FHOD3: variants seen among roughly 807,000 people sequenced by gnomAD.
The protein encoded by FHOD3 is FH1/FH2 domain-containing protein 3.
In FHOD3, 90 loss-of-function variants were observed where a neutral mutation model predicts 173.0. The observed-to-expected ratio is 0.52, with a 90% confidence interval of 0.44 to 0.62. FHOD3 has a LOEUF of 0.62. FHOD3 is among the 20% of genes least tolerant of loss of function. The pLI is 0.00. For missense variants in FHOD3, 1,945 were observed against 2,034.7 expected (o/e 0.96, Z 0.85); for synonymous variants, 828 against 823.0 (o/e 1.01, Z -0.10).
At chr18:36,544,131 C>T (rs948866386) in intron 5 of FHOD3, among the ~76,000 whole-genome samples, 23 of 152,272 alleles carry the variant, frequency 1.5e-4, no homozygotes, top group African/African-American at 5.5e-4. Flanking sequence ...ATGTGTTTCT[C>T]GGCAGTATCA....
intron 3 of FHOD3, among the ~76,000 whole-genome samples, chr18:36,430,808 G>A (rs1344374252): frequency 6.6e-6 from 1 of 152,142 alleles, no homozygotes; most frequent in African/African-American, 2.4e-5. Flanking sequence ...TGGACTAGAC[G>A]TTAGCGTGAG....
At chr18:36,633,199 A>G (rs544935851) in intron 10 of FHOD3, among the ~76,000 whole-genome samples, 2 of 152,258 alleles carry the variant, frequency 1.3e-5, no homozygotes, top group African/African-American at 2.4e-5. Context: ...AAACTCTGCC[A>G]TTTTGCCTCT....
intron 19 of FHOD3, among the ~76,000 whole-genome samples, chr18:36,726,260 T>C (rs2041062903): frequency 6.6e-6 from 1 of 152,124 alleles, no homozygotes; most frequent in Admixed American, 6.5e-5. Context: ...TTCTCATTTA[T>C]CCAAGTCTTC....
chr18:36,465,777 T>G (rs1272380357), intron 3 of FHOD3, among the ~76,000 whole-genome samples: 1 of 152,034 alleles, frequency 6.6e-6, no homozygotes, highest in Non-Finnish European at 1.5e-5. Flanking sequence ...GTGGGCGTGG[T>G]GGGTTCAATT....
chr18:36,424,425 T>A (rs1279377623), intron 3 of FHOD3, among the ~76,000 whole-genome samples: 2 of 152,146 alleles, frequency 1.3e-5, no homozygotes. Flanking sequence ...TGTGATTGAC[T>A]TGGGTTTATT....
chr18:36,491,445 T>G (rs758195353), intron 3 of FHOD3, among the ~76,000 whole-genome samples: 1 of 152,208 alleles, frequency 6.6e-6, no homozygotes, highest in Non-Finnish European at 1.5e-5. Flanking sequence ...TACATTAAGG[T>G]TCACTCTTTA....
chr18:36,542,112 T>C (rs2057246779), intron 5 of FHOD3, among the ~76,000 whole-genome samples: 1 of 152,190 alleles, frequency 6.6e-6, no homozygotes, highest in African/African-American at 2.4e-5. Context: ...ACCATGGATA[T>C]AGCTATGTAT....
At chr18:36,511,876 A>C (rs930170737) in intron 4 of FHOD3, among the ~76,000 whole-genome samples, 1 of 152,292 alleles carries the variant, frequency 6.6e-6, no homozygotes, top group Admixed American at 6.5e-5. Flanking sequence ...CTCCAGGTTA[A>C]TGTCCAACCC....
chr18:36,523,199 G>A (rs1237836590), intron 5 of FHOD3, among the ~76,000 whole-genome samples: 6 of 152,190 alleles, frequency 3.9e-5, no homozygotes, highest in African/African-American at 1.4e-4. Context: ...TCCAGGTAAC[G>A]TTGGCCTTGA....
intron 1 of FHOD3, among the ~76,000 whole-genome samples, chr18:36,327,393 T>C (rs1489064627): frequency 6.6e-6 from 1 of 152,234 alleles, no homozygotes; most frequent in African/African-American, 2.4e-5. Context: ...AATGTGCGGC[T>C]TTTGCCGTTA....
In FHOD3 at chr18:36,709,189, C is replaced by T; in HGVS notation, c.2331C>T (p.Ala777=). 6.2e-7 allele frequency: 1 copy of T among 1,614,190 alleles called. No individual in the cohort carries two copies. The highest frequency in any genetic ancestry group is 8.5e-7 in the Non-Finnish European group (1 of 1,180,046). The change falls in exon 18 of 29, where the codon GCC becomes GCT. Residue 777 remains alanine (A), a synonymous_variant. Transcript: ENST00000590592. ...CTGATGAAGCTGGCCAGGACATAGC[C>T]TCTGCCCACGAGGGTGCAGAGACTG... is the stretch of plus-strand genomic sequence containing the variant. The part of the protein sequence containing the change: ...QVADEAGQDI[A]SAHEGAETEV...
intron 27 of FHOD3, among the ~76,000 whole-genome samples, chr18:36,765,642 T>A (rs1042817151): frequency 6.6e-6 from 1 of 152,140 alleles, no homozygotes; most frequent in Admixed American, 6.5e-5. Flanking sequence ...TTAGACTCTA[T>A]AAATAAGAAT....
At chr18:36,713,730 T>C (rs1041209677) in intron 18 of FHOD3, among the ~76,000 whole-genome samples, 8 of 152,214 alleles carry the variant, frequency 5.3e-5, no homozygotes, top group Admixed American at 2.0e-4. Flanking sequence ...ACAAATTATA[T>C]GAATGTATTA....
chr18:36,676,192 T>G (rs775055540), intron 14 of FHOD3, among the ~76,000 whole-genome samples: 1 of 152,218 alleles, frequency 6.6e-6, no homozygotes, highest in African/African-American at 2.4e-5. Flanking sequence ...TTTGTTATTC[T>G]CAGATATGGT....
At chr18:36,402,419 A>G (rs927347532) in intron 3 of FHOD3, among the ~76,000 whole-genome samples, 3 of 152,118 alleles carry the variant, frequency 2.0e-5, no homozygotes, top group Non-Finnish European at 2.9e-5. Context: ...TGTGTGAAAT[A>G]CATATTATAT....
intron 3 of FHOD3, among the ~76,000 whole-genome samples, chr18:36,430,863 T>C (rs753616738): frequency 9.9e-5 from 15 of 152,168 alleles, no homozygotes; most frequent in Non-Finnish European, 1.9e-4. Flanking sequence ...GTTGTTATTG[T>C]TTTGAGTTAT....
intron 3 of FHOD3, among the ~76,000 whole-genome samples, chr18:36,495,397 G>T (rs991512445): frequency 2.2e-4 from 33 of 152,148 alleles, no homozygotes; most frequent in African/African-American, 7.5e-4. Context: ...CCTGATTGGA[G>T]CTGTACTACC....
intron 15 of FHOD3, among the ~76,000 whole-genome samples, chr18:36,682,717 G>A (rs1456361265): frequency 1.3e-5 from 2 of 152,230 alleles, no homozygotes; most frequent in East Asian, 3.9e-4. Context: ...CAAGTAGCTG[G>A]AATTACAGGC....
At chr18:36,355,698 G>T (rs1355399248) in intron 2 of FHOD3, 53 bp downstream of exon 2, 2 of 1,410,048 alleles carry the variant, frequency 1.4e-6, no homozygotes, top group Non-Finnish European at 2.0e-6. Flanking sequence ...AGGAAATGGG[G>T]GTACATTGAG....
Sources: gnomAD v4.1 joint callset for allele counts (sites outside exome capture counted in the v4.1 genomes callset) on GRCh38, gnomAD v4.1.1 for gene constraint, MANE v1.5 for transcripts, NCBI Gene and HGNC (gene_info 2026-07-23, HGNC 2026-07-21) for gene names.